The following RYR2 variants were observed in gnomAD, a reference collection of about 807,000 sequenced individuals.
RYR2 encodes cardiac muscle ryanodine receptor-calcium release channel.
RYR2 carries 227 observed loss-of-function variants against 601.1 expected under a neutral mutation model. That is an observed-to-expected ratio of 0.38 (90% CI 0.34 to 0.42). The LOEUF (loss-of-function observed/expected upper bound fraction) is 0.42, where lower values mean the gene tolerates loss of function less well. Among genes scored for constraint, RYR2 ranks in the 10% least tolerant of loss-of-function variants. The probability of loss-of-function intolerance (pLI) is 1.00; values close to 1 mark genes in which losing one functional copy is unlikely to be tolerated. For missense variants in RYR2, 4,646 were observed against 6,156.5 expected (o/e 0.75, Z 8.21); for synonymous variants, 2,223 against 2,175.1 (o/e 1.02, Z -0.61).
chr1:237,251,459 T>G (rs1032034121), intron 1 of RYR2, among the ~76,000 whole-genome samples: 2 of 152,160 alleles, frequency 1.3e-5, no homozygotes, highest in African/African-American at 4.8e-5. Context: ...GTTGACTATT[T>G]TTTCTCTTTG....
At chr1:237,504,696 T>C (rs2150502786) in intron 22 of RYR2, among the ~76,000 whole-genome samples, 1 of 152,322 alleles carries the variant, frequency 6.6e-6, no homozygotes, top group Admixed American at 6.5e-5. Flanking sequence ...ATTTAATATC[T>C]GGGGTAATGT....
At chr1:237,268,935 CAAAA>C (rs1160004017) in intron 1 of RYR2, among the ~76,000 whole-genome samples, 5 of 16,226 alleles carry the variant, frequency 3.1e-4, no homozygotes, top group East Asian at 1.8e-3. Flanking sequence ...ACTCTTGTCT[CAAAA>C]AAAAAAAAAA....
intron 1 of RYR2, among the ~76,000 whole-genome samples, chr1:237,243,550 C>G (rs1251133328): frequency 6.6e-6 from 1 of 152,174 alleles, no homozygotes; most frequent in African/African-American, 2.4e-5. Context: ...GTTCAGCTAT[C>G]CAGAAGCTCC....
intron 1 of RYR2, among the ~76,000 whole-genome samples, chr1:237,262,245 G>GTTTTGTTTTTT (rs1688600680): frequency 1.6e-5 from 1 of 61,102 alleles, no homozygotes; most frequent in East Asian, 1.0e-3. Context: ...GTTCTAAAGA[G>GTTTTGTTTTTT]TTTTTTTTTT....
intron 12 of RYR2, among the ~76,000 whole-genome samples, chr1:237,434,747 T>G (rs1171213258): frequency 6.6e-6 from 1 of 152,196 alleles, no homozygotes; most frequent in Non-Finnish European, 1.5e-5. Context: ...GTCAATGAGA[T>G]TACAAGAATT....
intron 1 of RYR2, among the ~76,000 whole-genome samples, chr1:237,184,874 A>G (rs959041044): frequency 7.2e-6 from 1 of 139,334 alleles, no homozygotes; most frequent in African/African-American, 3.1e-5. Flanking sequence ...CTTTGTGAAG[A>G]GGGTTTTTTT....
rs1673193998 is a variant in RYR2 at position 237,139,873 on chromosome 1, T to C, written c.48+97304T>C. ...GGTGGCTTTGACGAAATGGAATCAT[T>C]GTCTGGCAGGCAGTGCTGTGTGACG... On this transcript the variant is annotated intron_variant, in intron 1 of 104. Coordinates refer to ENST00000366574, the MANE Select transcript of RYR2 (RefSeq NM_001035.3). Among the ~76,000 whole-genome samples the C allele has an allele frequency of 3.3e-5, 5 of 152,216 alleles. No individual in the cohort carries two copies. The South Asian group carries it at 1.0e-3, about 31-fold the overall frequency.
In RYR2 at chr1:237,480,636, A is replaced by G. The variant is rs766245928; in HGVS notation, c.1709-11170A>G. The stretch of plus-strand genomic sequence containing the variant: ...TTCCTTAAACTGAAGGCAGCAAACC[A>G]TCAGGGGCCTAATTAAGGCTGCATA... On this transcript the variant is annotated intron_variant, in intron 17 of 104. Transcript: ENST00000366574. Among the ~76,000 whole-genome samples, 3 of 152,110 alleles carry G rather than the reference A, an allele frequency of 2.0e-5. No individual in the cohort carries two copies. The South Asian group carries it at 6.2e-4, about 32-fold the overall frequency.
At chr1:237,045,206 A>G (rs1660428141) in intron 1 of RYR2, among the ~76,000 whole-genome samples, 1 of 152,174 alleles carries the variant, frequency 6.6e-6, no homozygotes, top group Non-Finnish European at 1.5e-5. Flanking sequence ...ACCCCAGCAC[A>G]TTGAGGCATC....
intron 44 of RYR2, among the ~76,000 whole-genome samples, chr1:237,638,060 T>C (rs1181469151): frequency 6.6e-6 from 1 of 151,570 alleles, no homozygotes; most frequent in African/African-American, 2.4e-5. Flanking sequence ...TGGGCAGATA[T>C]GTTTGTGGCA....
chr1:237,155,324 C>G (rs1436643266), intron 1 of RYR2, among the ~76,000 whole-genome samples: 1 of 151,620 alleles, frequency 6.6e-6, no homozygotes, highest in Non-Finnish European at 1.5e-5. Context: ...TACAGGCGCC[C>G]ACCACCACGC....
At chr1:237,288,169 A>G (rs1430149610) in intron 2 of RYR2, among the ~76,000 whole-genome samples, 1 of 152,160 alleles carries the variant, frequency 6.6e-6, no homozygotes, top group Non-Finnish European at 1.5e-5. Context: ...TGAACCTTCT[A>G]TGAGTCTCTC....
intron 1 of RYR2, among the ~76,000 whole-genome samples, chr1:237,148,817 G>A (rs938242923): frequency 6.6e-6 from 1 of 152,028 alleles, no homozygotes; most frequent in African/African-American, 2.4e-5. Context: ...CTAGTACACA[G>A]TAGGCATTAA....
At chr1:237,718,656 G>A in intron 73 of RYR2, 135 bp downstream of exon 73, 1 of 427,386 alleles carries the variant, frequency 2.3e-6, no homozygotes, top group Non-Finnish European at 4.3e-6. Flanking sequence ...TATCCTACTT[G>A]CAAAGCCTTT....
intron 11 of RYR2, among the ~76,000 whole-genome samples, chr1:237,421,924 A>G (rs1194393299): frequency 6.6e-6 from 1 of 152,068 alleles, no homozygotes; most frequent in Non-Finnish European, 1.5e-5. Context: ...AATTGGAATT[A>G]TCTAATATCA....
chr1:237,569,852 G>A (rs1420124540), intron 29 of RYR2, among the ~76,000 whole-genome samples: 1 of 152,282 alleles, frequency 6.6e-6, no homozygotes, highest in Non-Finnish European at 1.5e-5. Flanking sequence ...AGAAAGCTCT[G>A]TGGAAGCACC....
At chr1:237,161,628 C>T (rs1164528996) in intron 1 of RYR2, among the ~76,000 whole-genome samples, 1 of 151,994 alleles carries the variant, frequency 6.6e-6, no homozygotes, top group African/African-American at 2.4e-5. Flanking sequence ...TAGAAGACAG[C>T]AGTTATTTTG....
intron 25 of RYR2, among the ~76,000 whole-genome samples, chr1:237,537,397 C>T (rs1001645631): frequency 6.6e-6 from 1 of 152,070 alleles, no homozygotes; most frequent in East Asian, 1.9e-4. Context: ...AATCTTGGCT[C>T]GCTGCAACCT....
chr1:237,781,258 C>T (rs1018674176), intron 88 of RYR2, among the ~76,000 whole-genome samples: 1 of 152,144 alleles, frequency 6.6e-6, no homozygotes, highest in African/African-American at 2.4e-5. Flanking sequence ...CCATGTTGCC[C>T]AGCCTGGTCT....
Sources: allele counts gnomAD v4.1 joint callset (sites outside exome capture counted in the v4.1 genomes callset), GRCh38; gene constraint gnomAD v4.1.1; transcripts MANE v1.5; gene names NCBI Gene and HGNC (gene_info 2026-07-23, HGNC 2026-07-21).